PLEKHG3: variants seen among roughly 807,000 people sequenced by gnomAD.
The protein encoded by PLEKHG3 is pleckstrin homology and RhoGEF domain containing G3, also known as pleckstrin homology domain-containing family G member 3.
In PLEKHG3, 62 loss-of-function variants were observed where a neutral mutation model predicts 94.9. That is an observed-to-expected ratio of 0.65 (90% CI 0.53 to 0.81). The LOEUF is 0.81. PLEKHG3 is among the 30% of genes least tolerant of loss of function. PLEKHG3 has a pLI of 0.00. For missense variants in PLEKHG3, 1,461 were observed against 1,619.3 expected (o/e 0.90, Z 1.68); for synonymous variants, 614 against 654.0 (o/e 0.94, Z 0.93).
intron 3 of PLEKHG3, among the ~76,000 whole-genome samples, chr14:64,729,303 G>A (rs1253140269): frequency 6.6e-6 from 1 of 152,196 alleles, no homozygotes; most frequent in Non-Finnish European, 1.5e-5. Flanking sequence ...TTGAGGTTGT[G>A]TGCATGTTGG....
chr14:64,731,396 C>G lies in PLEKHG3; in HGVS notation c.885C>G (p.Pro295=), dbSNP rs759046525. The G allele has an allele frequency of 1.9e-6, 3 of 1,613,848 alleles. No homozygotes were observed. In the African/African-American group the frequency reaches 4.0e-5, roughly 22 times the overall value. ...IQSLLINWKG[P]DLTTYGELVL... The stretch of plus-strand genomic sequence containing the variant: ...CACTCCTCATCAACTGGAAGGGGCC[C>G]GACCTGACCACCTACGGGGAGCTTG... The change falls in exon 8 of 17, where the codon CCC becomes CCG. Residue 295 remains proline, a synonymous_variant. Coordinates refer to ENST00000247226, the MANE Select transcript of PLEKHG3 (RefSeq NM_001308147.2). This position sits in a 1 kb window ranked among gnomAD's most constrained non-coding sequence, Gnocchi z 6.1.
intron 3 of PLEKHG3, among the ~76,000 whole-genome samples, chr14:64,729,648 A>G (rs938356597): frequency 1.3e-5 from 2 of 152,148 alleles, no homozygotes; most frequent in Non-Finnish European, 2.9e-5. Flanking sequence ...GCTTGAGGGA[A>G]CAGCGGTGCT....
At position 64,741,532 on chromosome 14, in the gene PLEKHG3, G is replaced by T. The variant is rs146275021; in HGVS notation, c.2015G>T (p.Ser672Ile). The T allele has an allele frequency of 4.3e-6, 7 of 1,612,854 alleles. No individual in the cohort carries two copies. The highest frequency in any genetic ancestry group is 5.9e-6 in the Non-Finnish European group (7 of 1,180,030). ...SCQLSPEVDI[S>I]VGVATEDSPS... ...CAGCTCTCCCCAGAAGTGGACATCA[G>T]TGTGGGGGTGGCCACAGAGGACAGC... The change falls in exon 16 of 17, where the codon AGT becomes ATT. Residue 672 changes from serine to isoleucine, a missense_variant. Around this residue, in one of 3 missense-constraint regions of PLEKHG3, gnomAD observed 1,201 missense variants for 1,295.5 expected, o/e 0.93. Transcript: ENST00000247226.
Position 64,726,809 on chromosome 14 carries a change from G to A in PLEKHG3, c.-39-784G>A, listed in dbSNP as rs1343941419. ...GCTGCGGAGTCGGGGGATAATGCTG[G>A]CTCAGCCAGTCAGTATCCAGAAAGT... On this transcript the variant is annotated intron_variant, in intron 1 of 16. Transcript: ENST00000247226. The surrounding 1 kb of genome is among the most constrained non-coding windows in gnomAD (Gnocchi z 5.1). 1.3e-5 allele frequency among the ~76,000 whole-genome samples: 2 copies of A among 152,182 alleles called. No individual in the cohort carries two copies. Among genetic ancestry groups the A allele is most frequent in the Admixed American group, 6.5e-5 (1 of 15,284 alleles).
rs1165138462 is a variant in PLEKHG3 at position 64,715,944 on chromosome 14, G to A, written c.-40+11240G>A. ...TTGACGAAGTTTTGCAGGAGGCGGC[G>A]GGCGCTTTAATTCCCGAGGCTGTTG... On this transcript the variant is annotated intron_variant, in intron 1 of 16. Transcript: ENST00000247226. The surrounding 1 kb of genome is among the most constrained non-coding windows in gnomAD (Gnocchi z 4.4). The A allele has an allele frequency of 1.1e-5, 5 of 436,476 alleles. No homozygotes were observed. The highest frequency in any genetic ancestry group is 2.0e-5 in the African/African-American group (1 of 49,164). The allele number at this position is 436,476 out of a possible 1,614,324, so 27.0% of individuals were successfully genotyped here.
chr14:64,729,010 G>C lies in PLEKHG3; in HGVS notation c.366G>C (p.Lys122Asn). 6.6e-7 allele frequency: 1 copy of C among 1,507,978 alleles called. No individual in the cohort carries two copies. Among genetic ancestry groups the C allele is most frequent in the East Asian group, 2.5e-5 (1 of 40,756 alleles). 93.4% of individuals were successfully genotyped at this position (1,507,978 alleles called of 1,614,324 possible). Residue 122 changes from lysine to asparagine, a missense_variant, in exon 3 of 17, where the codon AAG becomes AAC. This residue lies in a region of PLEKHG3 where 253 missense variants were observed against 297.8 expected (regional missense o/e 0.85). Transcript: ENST00000247226. ...LRSIVEDYLL[K>N]IIDTPGLLKP... ...CCTCCACGCAGGACTACCTCTTGAA[G>C]ATCATTGACACACCCGGGCTGCTGA...
Position 64,749,309 on chromosome 14 carries a change from C to G in PLEKHG3, c.*5606C>G. On this transcript the variant is annotated 3_prime_UTR_variant, in exon 17 of 17. Coordinates refer to ENST00000247226, the MANE Select transcript of PLEKHG3 (RefSeq NM_001308147.2). The surrounding 1 kb of genome is among the most constrained non-coding windows in gnomAD (Gnocchi z 4.7). ...CCGCGCCCGCCAGCCCCACCTGCTACTTCTTTTTGGGGAAGAAGCTGAATC... is the reference window on the plus strand; with the variant it reads ...CCGCGCCCGCCAGCCCCACCTGCTAGTTCTTTTTGGGGAAGAAGCTGAATC... The G allele has an allele frequency of 1.2e-6, 2 of 1,601,500 alleles. No individual in the cohort carries two copies. The highest frequency in any genetic ancestry group is 1.7e-6 in the Non-Finnish European group (2 of 1,175,776).
intron 12 of PLEKHG3, among the ~76,000 whole-genome samples, chr14:64,735,875 T>C (rs1407024171): frequency 2.0e-5 from 3 of 152,290 alleles, no homozygotes; most frequent in Non-Finnish European, 4.4e-5. Flanking sequence ...GTCTCACTTA[T>C]TAAATATTCT....
rs1327109513 is a variant in PLEKHG3, at chr14:64,745,945, C to T, written c.*2242C>T. ...ATCTCCCTAGACCAACAGAAACTGC[C>T]CTCTGGAGGTGAATCCCAGGCTTAG... On this transcript the variant is annotated 3_prime_UTR_variant, in exon 17 of 17. Coordinates refer to ENST00000247226, the MANE Select transcript of PLEKHG3 (RefSeq NM_001308147.2). This position sits in a 1 kb window ranked among gnomAD's most constrained non-coding sequence, Gnocchi z 5.0. The T allele has an allele frequency of 6.6e-6, 1 of 152,274 alleles. No individual in the cohort carries two copies. The highest frequency in any genetic ancestry group is 1.5e-5 in the Non-Finnish European group (1 of 68,094). 9.4% of individuals were successfully genotyped at this position (152,274 alleles called of 1,614,324 possible).
rs544214769 is a variant in PLEKHG3, at chr14:64,739,579, G to A, written c.1518+724G>A. The stretch of plus-strand genomic sequence containing the variant: ...ATGATACTGGACAGGAATGTAGCAT[G>A]ATGTCTTAGCTTGAGCTGCTGTAAC... On this transcript the variant is annotated intron_variant, in intron 15 of 16. Transcript: ENST00000247226. The surrounding 1 kb of genome is among the most constrained non-coding windows in gnomAD (Gnocchi z 4.1). Among the ~76,000 whole-genome samples the A allele has an allele frequency of 1.3e-5, 2 of 152,258 alleles. No homozygotes were observed. Among genetic ancestry groups the A allele is most frequent in the African/African-American group, 4.8e-5 (2 of 41,468 alleles).
rs1376951811 is a variant in PLEKHG3, at chr14:64,746,752, A to C, written c.*3049A>C. 6.6e-6 allele frequency: 1 copy of C among 152,610 alleles called. No individual in the cohort carries two copies. The highest frequency in any genetic ancestry group is 1.5e-5 in the Non-Finnish European group (1 of 68,126). The allele number at this position is 152,610 out of a possible 1,614,324, so 9.5% of individuals were successfully genotyped here. A position where few individuals can be genotyped will look rare whatever the true frequency, so the allele number is the denominator to read the frequency against. ...GGGACAAAGGGGAAGGAGAGAGGGA[A>C]GGAGGACCGCCTGACCTTGCCCAGA... is the stretch of plus-strand genomic sequence containing the variant. On this transcript the variant is annotated 3_prime_UTR_variant, in exon 17 of 17. Transcript: ENST00000247226. This position sits in a 1 kb window ranked among gnomAD's most constrained non-coding sequence, Gnocchi z 4.9.
At position 64,736,890 on chromosome 14, in the gene PLEKHG3, A is replaced by G. The variant is rs1033755689; in HGVS notation, c.1383A>G (p.Lys461=). The change falls in exon 13 of 17, where the codon AAA becomes AAG. Residue 461 remains lysine (K), a splice_region_variant and synonymous_variant. Coordinates refer to ENST00000247226, the MANE Select transcript of PLEKHG3 (RefSeq NM_001308147.2). ...TKHLLRQLNE[K]ARAAGMKGKG... is the part of the protein sequence containing the mutation. ...ACCTGCTCAGGCAACTCAACGAGAA[A>G]GGTGAGTGTGTGAGGTGGCCAGCCA... 6 of 1,612,074 alleles carry G rather than the reference A, an allele frequency of 3.7e-6. No individual in the cohort carries two copies. The highest frequency in any genetic ancestry group is 5.1e-6 in the Non-Finnish European group (6 of 1,178,346).
rs574016567 is a variant in PLEKHG3, at chr14:64,727,535, C to T, written c.-39-58C>T. ...GCCCCCACCCCTGGCAACCGTCCCT[C>T]TGTTCTGTTTCTGTGGGCATTCAGA... On this transcript the variant is annotated intron_variant, in intron 1 of 16. Coordinates refer to ENST00000247226, the MANE Select transcript of PLEKHG3 (RefSeq NM_001308147.2). This position sits in a 1 kb window ranked among gnomAD's most constrained non-coding sequence, Gnocchi z 6.0. 3.4e-4 allele frequency: 188 copies of T among 552,388 alleles called. 1 individual carries two copies. In the African/African-American group the frequency reaches 3.4e-3, roughly 10 times the overall value. 34.2% of individuals were successfully genotyped at this position (552,388 alleles called of 1,614,324 possible).
At position 64,739,561 on chromosome 14, in the gene PLEKHG3, T is replaced by C. The variant is rs922169939; in HGVS notation, c.1518+706T>C. Among the ~76,000 whole-genome samples the C allele has an allele frequency of 1.3e-5, 2 of 152,248 alleles. No individual in the cohort carries two copies. Among genetic ancestry groups the C allele is most frequent in the South Asian group, 4.1e-4 (2 of 4,832 alleles). On this transcript the variant is annotated intron_variant, in intron 15 of 16. Coordinates refer to ENST00000247226, the MANE Select transcript of PLEKHG3 (RefSeq NM_001308147.2). The surrounding 1 kb of genome is among the most constrained non-coding windows in gnomAD (Gnocchi z 4.1). ...CAGGACTGAGAAGCCTGGATGATAC[T>C]GGACAGGAATGTAGCATGATGTCTT...
Position 64,746,849 on chromosome 14 carries a change from G to A in PLEKHG3, c.*3146G>A, listed in dbSNP as rs1477548121. ...TGTGGACTGGAGCTGTGTCAACCTC[G>A]TTTGGGAATACTGTCAAAAGACTGT... On this transcript the variant is annotated 3_prime_UTR_variant, in exon 17 of 17. Coordinates refer to ENST00000247226, the MANE Select transcript of PLEKHG3 (RefSeq NM_001308147.2). This position sits in a 1 kb window ranked among gnomAD's most constrained non-coding sequence, Gnocchi z 4.9. 2.6e-5 allele frequency: 4 copies of A among 151,950 alleles called. No individual in the cohort carries two copies. Among genetic ancestry groups the A allele is most frequent in the African/African-American group, 4.9e-5 (2 of 41,174 alleles). 9.4% of individuals were successfully genotyped at this position (151,950 alleles called of 1,614,324 possible).
intron 1 of PLEKHG3, among the ~76,000 whole-genome samples, chr14:64,706,432 T>G (rs1401498249): frequency 6.6e-6 from 1 of 152,186 alleles, no homozygotes; most frequent in African/African-American, 2.4e-5. Flanking sequence ...TCTGACTCAG[T>G]TTCCACATAA....
At chr14:64,729,281 CG>C (rs972831859) in intron 3 of PLEKHG3, among the ~76,000 whole-genome samples, 188 bp downstream of exon 3, 1 of 152,082 alleles carries the variant, frequency 6.6e-6, no homozygotes, top group African/African-American at 2.4e-5. Context: ...CAAGGGCAGA[CG>C]GGGAGGTAAT....
In PLEKHG3 at chr14:64,741,224, T is replaced by G. The variant is rs201381252; in HGVS notation, c.1707T>G (p.Thr569=). Residue 569 remains threonine, a synonymous_variant, in exon 16 of 17, where the codon ACT becomes ACG. Transcript: ENST00000247226. ...TGGACTTCGTGGCAGCTGAGAGCAC[T>G]GAGGACCTTAAGGCCCTGAGCAGCG... The part of the protein sequence containing the change: ...DMVDFVAAES[T]EDLKALSSEE... The G allele has an allele frequency of 1.3e-5, 21 of 1,613,994 alleles. No individual in the cohort carries two copies. The highest frequency in any genetic ancestry group is 1.8e-5 in the Non-Finnish European group (21 of 1,179,974).
chr14:64,742,337 C>T lies in PLEKHG3; in HGVS notation c.2820C>T (p.Asn940=). The T allele has an allele frequency of 6.2e-7, 1 of 1,612,992 alleles. No homozygotes were observed. Among genetic ancestry groups the T allele is most frequent in the Non-Finnish European group, 8.5e-7 (1 of 1,180,028 alleles). ...ARQYSLRIKS[N]KPVMARPPLQ... is the part of the protein sequence containing the mutation. ...AGTACAGCCTCCGGATCAAGAGCAACAAGCCAGTGATGGCCAGGCCACCAC... is the reference window on the plus strand; with the variant it reads ...AGTACAGCCTCCGGATCAAGAGCAATAAGCCAGTGATGGCCAGGCCACCAC... Residue 940 remains asparagine, a synonymous_variant, in exon 16 of 17, where the codon AAC becomes AAT. Coordinates refer to ENST00000247226, the MANE Select transcript of PLEKHG3 (RefSeq NM_001308147.2).
Sources: gnomAD v4.1 joint callset for allele counts (sites outside exome capture counted in the v4.1 genomes callset) on GRCh38, gnomAD v4.1.1 for gene constraint, gnomAD v4.1.1 regional missense constraint, Gnocchi (gnomAD v3.1) non-coding constraint, MANE v1.5 for transcripts, NCBI Gene and HGNC (gene_info 2026-07-23, HGNC 2026-07-21) for gene names.